KTN1: variants seen among roughly 807,000 people sequenced by gnomAD.
The protein encoded by KTN1 is kinectin 1.
A neutral mutation model predicts 222.5 loss-of-function variants in KTN1; 130 were observed. The observed-to-expected ratio is 0.58, with a 90% CI of 0.51 to 0.68. The LOEUF (loss-of-function observed/expected upper bound fraction) is 0.68, where lower values mean the gene tolerates loss of function less well. Ranked by LOEUF, KTN1 falls within the 30% of genes least tolerant of loss-of-function variation. The probability of loss-of-function intolerance (pLI) is 0.00; values close to 1 mark genes in which losing one functional copy is unlikely to be tolerated. For missense variants in KTN1, 1,508 were observed against 1,500.4 expected (o/e 1.01, Z -0.08); for synonymous variants, 512 against 496.3 (o/e 1.03, Z -0.42).
intron 1 of KTN1, among the ~76,000 whole-genome samples, chr14:55,589,281 A>G (rs972185979): frequency 6.6e-6 from 1 of 152,220 alleles, no homozygotes; most frequent in African/African-American, 2.4e-5. Context: ...ATTCAAAATA[A>G]CATACTACTT....
intron 1 of KTN1, among the ~76,000 whole-genome samples, chr14:55,580,872 G>A (rs1022958498): frequency 1.3e-5 from 2 of 152,206 alleles, no homozygotes; most frequent in African/African-American, 4.8e-5. Context: ...AGTCCTCGCC[G>A]CTGCCTCCGG....
At chr14:55,602,891 T>C (rs2036191248) in intron 1 of KTN1, among the ~76,000 whole-genome samples, 1 of 152,180 alleles carries the variant, frequency 6.6e-6, no homozygotes, top group African/African-American at 2.4e-5. Flanking sequence ...CCATCTTTTT[T>C]CCACTTATTC....
chr14:55,649,269 G>C (rs915112145), intron 21 of KTN1, among the ~76,000 whole-genome samples: 1 of 152,142 alleles, frequency 6.6e-6, no homozygotes, highest in African/African-American at 2.4e-5. Context: ...ATAAAAACAA[G>C]TCTGTTGTTT....
At position 55,653,569 on chromosome 14, in the gene KTN1, C is replaced by T; in HGVS notation, c.2774C>T (p.Ala925Val). The change falls in exon 28 of 44, where the codon GCA becomes GTA. Residue 925 changes from alanine to valine, a missense_variant. Transcript: ENST00000395314. ...AQHNLKEASS[A>V]SQFEELEIVL... ...GATTCTGTTTCTCAGGCCTCTTCTG[C>T]ATCACAGTTTGAAGAACTTGAGATT... 2.5e-6 allele frequency: 4 copies of T among 1,610,272 alleles called. No individual in the cohort carries two copies. Among genetic ancestry groups the T allele is most frequent in the Non-Finnish European group, 3.4e-6 (4 of 1,177,220 alleles).
At chr14:55,624,469 A>T (rs534646803) in intron 5 of KTN1, among the ~76,000 whole-genome samples, 2 of 152,260 alleles carry the variant, frequency 1.3e-5, no homozygotes, top group South Asian at 4.2e-4. Flanking sequence ...AGAGTAGAGG[A>T]TTGAGAAATT....
Position 55,641,197 on chromosome 14 carries a change from G to A in KTN1, c.2092G>A (p.Glu698Lys). The change falls in exon 17 of 44, where the codon GAA (glutamate) becomes AAA (lysine). Residue 698 changes from glutamate (E) to lysine (K), a missense_variant. Transcript: ENST00000395314. ...QLQHEISNKM[E>K]EFKILNDQNK... Reference sequence around the variant, plus strand: ...ACAACATGAAATTTCAAACAAAATGGAAGAATTTAAGGTGTGTGATTAAGC... The same window carrying A: ...ACAACATGAAATTTCAAACAAAATGAAAGAATTTAAGGTGTGTGATTAAGC... 1 of 1,589,348 alleles carries A rather than the reference G, an allele frequency of 6.3e-7. No homozygotes were observed. Among genetic ancestry groups the A allele is most frequent in the Non-Finnish European group, 8.6e-7 (1 of 1,165,632 alleles).
At chr14:55,677,511 T>C (rs1024418778) in intron 41 of KTN1, among the ~76,000 whole-genome samples, 2 of 151,820 alleles carry the variant, frequency 1.3e-5, no homozygotes, top group African/African-American at 2.4e-5. Flanking sequence ...TAACATACTT[T>C]GTAAAATAGG....
chr14:55,648,849 A>C lies in KTN1; in HGVS notation c.2346A>C (p.Leu782Phe). Residue 782 changes from leucine (L) to phenylalanine (F), a missense_variant, in exon 21 of 44, where the codon TTA becomes TTC. Physicochemically the swap from Leu to Phe is conservative, Grantham distance 22. Transcript: ENST00000395314. ...NSSLTKEVQD[L>F]KAKQNDQVSF... ...CTCTGACAAAAGAAGTTCAAGACTT[A>C]AAAGCTAAGCAAAATGATCAGGTAA... is the stretch of plus-strand genomic sequence containing the variant. 3 of 1,600,888 alleles carry C rather than the reference A, an allele frequency of 1.9e-6. No homozygotes were observed. The highest frequency in any genetic ancestry group is 2.6e-6 in the Non-Finnish European group (3 of 1,169,440).
chr14:55,648,182 T>C (rs2042586538), intron 20 of KTN1, 67 bp downstream of exon 20: 1 of 767,490 alleles, frequency 1.3e-6, no homozygotes, highest in Non-Finnish European at 2.1e-6. Flanking sequence ...TCTCTGTAAT[T>C]TGTGTAAGGT....
At chr14:55,600,152 CATAAT>C (rs1167726536) in intron 1 of KTN1, among the ~76,000 whole-genome samples, 3 of 150,096 alleles carry the variant, frequency 2.0e-5, no homozygotes, top group Non-Finnish European at 4.5e-5. Context: ...CCAGAAGAGA[CATAAT>C]ACCTAAAACA....
At chr14:55,662,327 C>T (rs570405796) in intron 32 of KTN1, among the ~76,000 whole-genome samples, 5 of 152,210 alleles carry the variant, frequency 3.3e-5, no homozygotes, top group East Asian at 1.9e-4. Flanking sequence ...GCCTCGGCCT[C>T]GCAAAGTGCT....
intron 43 of KTN1, chr14:55,679,995 G>A (rs910689137): frequency 1.1e-5 from 3 of 285,054 alleles, no homozygotes; most frequent in African/African-American, 2.3e-5. Flanking sequence ...AATTTATTCT[G>A]TTCTTAGTTT....
intron 32 of KTN1, chr14:55,663,123 G>A (rs1001016865): frequency 1.7e-5 from 6 of 348,032 alleles, no homozygotes; most frequent in Non-Finnish European, 2.9e-5. Context: ...TTGTTGTAAC[G>A]GTGAGAATTT....
intron 33 of KTN1, among the ~76,000 whole-genome samples, chr14:55,665,841 A>C (rs943859358): frequency 6.6e-6 from 1 of 151,950 alleles, no homozygotes; most frequent in Admixed American, 6.6e-5. Flanking sequence ...CTTAGCTAAA[A>C]TTGTTAATAC....
At chr14:55,589,450 C>T (rs1023978504) in intron 1 of KTN1, among the ~76,000 whole-genome samples, 2 of 151,838 alleles carry the variant, frequency 1.3e-5, no homozygotes, top group Admixed American at 6.6e-5. Context: ...GCTGGGATTA[C>T]AGGCACCTGC....
In KTN1 at chr14:55,627,897, C is replaced by T; in HGVS notation, c.964-15C>T. On this transcript the variant is annotated splice_polypyrimidine_tract_variant and intron_variant, in intron 5 of 43. Coordinates refer to ENST00000395314, the MANE Select transcript of KTN1 (RefSeq NM_001079521.2). ...GGTAACTATTACTAATTCTGCATTG[C>T]TTTCTCAATTGCAGTCAAGTAAGGG... 1 of 1,447,980 alleles carries T rather than the reference C, an allele frequency of 6.9e-7. No homozygotes were observed. The highest frequency in any genetic ancestry group is 9.7e-7 in the Non-Finnish European group (1 of 1,030,976). The allele number at this position is 1,447,980 out of a possible 1,614,324, so 89.7% of individuals were successfully genotyped here. A position where few individuals can be genotyped will look rare whatever the true frequency, so the allele number is the denominator to read the frequency against.
At chr14:55,661,198 T>A (rs182488246) in intron 31 of KTN1, 77 of 170,860 alleles carry the variant, frequency 4.5e-4, no homozygotes, top group African/African-American at 1.8e-3. Context: ...CCTCTAAAAA[T>A]AGCTACTGTG....
At chr14:55,594,492 A>C (rs2034679702) in intron 1 of KTN1, among the ~76,000 whole-genome samples, 1 of 146,474 alleles carries the variant, frequency 6.8e-6, no homozygotes, top group Non-Finnish European at 1.5e-5. Flanking sequence ...ACTCAAGCAG[A>C]GTAGAGTTTT....
chr14:55,619,426 T>C, intron 5 of KTN1, 114 bp downstream of exon 5: 1 of 950,228 alleles, frequency 1.1e-6, no homozygotes, highest in African/African-American at 1.6e-5. Context: ...TCTCAGAACA[T>C]ACATCTGGAA....
Sources: gnomAD v4.1 joint callset for allele counts (sites outside exome capture counted in the v4.1 genomes callset) on GRCh38, gnomAD v4.1.1 for gene constraint, MANE v1.5 for transcripts, NCBI Gene and HGNC (gene_info 2026-07-23, HGNC 2026-07-21) for gene names.